DLGAP2: variants seen among roughly 807,000 people sequenced by gnomAD.
DLGAP2 encodes the protein disks large-associated protein 2.
In DLGAP2, 26 loss-of-function variants were observed where a neutral mutation model predicts 100.3. That is an observed-to-expected ratio of 0.26 (90% CI 0.19 to 0.36). The LOEUF is 0.36. Among genes scored for constraint, DLGAP2 ranks in the 10% least tolerant of loss-of-function variants. The pLI is 1.00. For synonymous variants in DLGAP2, 886 were observed against 630.1 expected, an observed-to-expected ratio of 1.41 and a Z score of -6.08; for missense variants, 1,858 against 1,453.2, an observed-to-expected ratio of 1.28 and a Z score of -4.53.
At chr8:1,330,929 T>A (rs1470475486) in intron 3 of DLGAP2, among the ~76,000 whole-genome samples, 1 of 146,698 alleles carries the variant, frequency 6.8e-6, no homozygotes, top group East Asian at 2.0e-4. Flanking sequence ...GGGGACTGAG[T>A]TCTGGGTGGG....
intron 2 of DLGAP2, among the ~76,000 whole-genome samples, chr8:1,010,016 T>A (rs1801229658): frequency 6.6e-6 from 1 of 152,254 alleles, no homozygotes; most frequent in Non-Finnish European, 1.5e-5. Context: ...CACCTTATGC[T>A]AAAAAGAATG....
chr8:1,682,801 AC>A (rs1321689789), intron 12 of DLGAP2, among the ~76,000 whole-genome samples: 1 of 151,628 alleles, frequency 6.6e-6, no homozygotes, highest in African/African-American at 2.4e-5. Flanking sequence ...AGTGTCACTT[AC>A]CTTATTATTA....
intron 6 of DLGAP2, among the ~76,000 whole-genome samples, chr8:1,583,247 C>G (rs1016994245): frequency 6.6e-6 from 1 of 152,232 alleles, no homozygotes; most frequent in Non-Finnish European, 1.5e-5. Flanking sequence ...TCCCTCCCAT[C>G]TGCCATGGGT....
At chr8:1,195,351 C>T (rs1185342948) in intron 2 of DLGAP2, among the ~76,000 whole-genome samples, 1 of 152,200 alleles carries the variant, frequency 6.6e-6, no homozygotes, top group Non-Finnish European at 1.5e-5. Flanking sequence ...GGAGGCCTGG[C>T]CAGATGCACG....
At chr8:1,551,942 G>A (rs999188867) in intron 5 of DLGAP2, among the ~76,000 whole-genome samples, 2 of 152,160 alleles carry the variant, frequency 1.3e-5, no homozygotes, top group Non-Finnish European at 2.9e-5. Flanking sequence ...CTGCTGATGA[G>A]CCTCTTCATC....
At chr8:1,522,946 A>C (rs1200816292) in intron 4 of DLGAP2, among the ~76,000 whole-genome samples, 1 of 152,198 alleles carries the variant, frequency 6.6e-6, no homozygotes, top group Non-Finnish European at 1.5e-5. Flanking sequence ...ACAGATGTAT[A>C]TGTTTTAAAG....
At chr8:1,510,518 G>A (rs915932193) in intron 4 of DLGAP2, among the ~76,000 whole-genome samples, 5 of 152,232 alleles carry the variant, frequency 3.3e-5, no homozygotes, top group Non-Finnish European at 2.9e-5. Context: ...TGAACACGAC[G>A]AAGGAGGGAC....
intron 1 of DLGAP2, among the ~76,000 whole-genome samples, chr8:855,641 G>A (rs935199401): frequency 2.6e-5 from 4 of 152,166 alleles, no homozygotes; most frequent in Non-Finnish European, 5.9e-5. Flanking sequence ...GTTGTATTTG[G>A]TTGGGGAAAG....
intron 3 of DLGAP2, among the ~76,000 whole-genome samples, chr8:1,342,762 G>A (rs1488756171): frequency 6.6e-6 from 1 of 152,220 alleles, no homozygotes. Flanking sequence ...GAAATGCGGT[G>A]TGTGTGTTGA....
intron 2 of DLGAP2, among the ~76,000 whole-genome samples, chr8:1,080,640 G>A (rs1349117650): frequency 6.6e-6 from 1 of 152,226 alleles, no homozygotes; most frequent in Non-Finnish European, 1.5e-5. Context: ...CCTGGGCCCT[G>A]CGCTCTGTCC....
intron 5 of DLGAP2, among the ~76,000 whole-genome samples, chr8:1,553,420 C>T (rs1270622748): frequency 6.6e-6 from 1 of 152,106 alleles, no homozygotes; most frequent in African/African-American, 2.4e-5. Context: ...TTTTGTTTGG[C>T]GTGTTCACGG....
chr8:762,853 T>C (rs1821121167), intron 1 of DLGAP2, among the ~76,000 whole-genome samples: 1 of 152,034 alleles, frequency 6.6e-6, no homozygotes, highest in Non-Finnish European at 1.5e-5. Flanking sequence ...AGCTTTTGAA[T>C]TTTTTGTAGA....
chr8:917,458 G>A (rs1428835286), intron 2 of DLGAP2, among the ~76,000 whole-genome samples: 2 of 152,076 alleles, frequency 1.3e-5, no homozygotes, highest in Non-Finnish European at 2.9e-5. Context: ...GGCTGCTCTC[G>A]AACTCCTGGG....
At chr8:1,480,976 T>G (rs1407665737) in intron 3 of DLGAP2, among the ~76,000 whole-genome samples, 5 of 151,606 alleles carry the variant, frequency 3.3e-5, no homozygotes, top group Admixed American at 1.3e-4. Flanking sequence ...ATCGAGACCA[T>G]CCTGGCTAAC....
chr8:874,169 C>A (rs966575013), intron 1 of DLGAP2, among the ~76,000 whole-genome samples: 2 of 151,850 alleles, frequency 1.3e-5, no homozygotes, highest in African/African-American at 4.8e-5. Context: ...CTTTCCATTT[C>A]ATTTACTTTC....
chr8:1,316,074 G>A (rs562250370), intron 3 of DLGAP2, among the ~76,000 whole-genome samples: 5 of 133,100 alleles, frequency 3.8e-5, no homozygotes, highest in East Asian at 4.4e-4. Flanking sequence ...TGAGTGCAGC[G>A]TCTCTCCCAC....
At chr8:1,316,423 C>T (rs1800750820) in intron 3 of DLGAP2, among the ~76,000 whole-genome samples, 3 of 136,648 alleles carry the variant, frequency 2.2e-5, no homozygotes, top group East Asian at 4.3e-4. Flanking sequence ...GCGAGTGCAG[C>T]GTCTCTCCAA....
chr8:1,023,520 C>G (rs1051339102), intron 2 of DLGAP2, among the ~76,000 whole-genome samples: 2 of 152,144 alleles, frequency 1.3e-5, no homozygotes, highest in East Asian at 1.9e-4. Context: ...GGTCCAGCAA[C>G]AAGCGAGTTA....
intron 2 of DLGAP2, among the ~76,000 whole-genome samples, chr8:1,110,145 G>C (rs1804902485): frequency 6.9e-6 from 1 of 145,282 alleles, no homozygotes; most frequent in South Asian, 2.3e-4. Flanking sequence ...GATGTGTACT[G>C]TATCTGTGAG....
Sources: allele counts gnomAD v4.1 joint callset (sites outside exome capture counted in the v4.1 genomes callset), GRCh38; gene constraint gnomAD v4.1.1; transcripts MANE v1.5; gene names NCBI Gene and HGNC (gene_info 2026-07-23, HGNC 2026-07-21).